Variants in GRIN2B observed in about 807,000 individuals in gnomAD.
The protein encoded by GRIN2B is glutamate ionotropic receptor NMDA type subunit 2B, also known as glutamate receptor ionotropic, NMDA 2B.
Under a neutral mutation model 114.5 loss-of-function variants are expected in GRIN2B, and 5 were observed. That is an observed-to-expected ratio of 0.04 (90% CI 0.02 to 0.09). The LOEUF (loss-of-function observed/expected upper bound fraction) is 0.09, where lower values mean the gene tolerates loss of function less well. GRIN2B is among the 10% of genes least tolerant of loss of function. GRIN2B has a pLI of 1.00. For missense variants in GRIN2B, 1,108 were observed against 1,943.5 expected (o/e 0.57, Z 8.08); for synonymous variants, 787 against 745.1 (o/e 1.06, Z -0.92).
chr12:13,950,063 GAA>G (rs780155713), intron 2 of GRIN2B, among the ~76,000 whole-genome samples: 2 of 152,160 alleles, frequency 1.3e-5, no homozygotes, highest in Non-Finnish European at 2.9e-5. Flanking sequence ...AGAGGAAAAA[GAA>G]AAGTTACCAC....
In GRIN2B at chr12:13,542,426, T is replaced by C. The variant is rs542337897; in HGVS notation, c.*20357A>G. On this transcript the variant is annotated 3_prime_UTR_variant, in exon 14 of 14. Coordinates refer to ENST00000609686, the MANE Select transcript of GRIN2B (RefSeq NM_000834.5). ...CAATCCAGGATAACATTTGTTGACA[T>C]CTATAAAAACATGTTGTGGCCTATC... 3.9e-5 allele frequency: 6 copies of C among 152,294 alleles called. No individual in the cohort carries two copies. Among genetic ancestry groups the C allele is most frequent in the African/African-American group, 1.4e-4 (6 of 41,548 alleles). 9.4% of individuals were successfully genotyped at this position (152,294 alleles called of 1,614,324 possible).
intron 4 of GRIN2B, among the ~76,000 whole-genome samples, chr12:13,710,462 T>C (rs1167286825): frequency 1.3e-5 from 2 of 152,148 alleles, no homozygotes; most frequent in African/African-American, 2.4e-5. Flanking sequence ...GATGACACGA[T>C]TGTATGTCTA....
chr12:13,608,906 G>A, intron 9 of GRIN2B, 74 bp from the exon 10 acceptor site: 2 of 1,046,100 alleles, frequency 1.9e-6, no homozygotes, highest in Non-Finnish European at 1.5e-6. Flanking sequence ...AAATACACAG[G>A]GTGAGTCCCT....
intron 5 of GRIN2B, among the ~76,000 whole-genome samples, chr12:13,621,607 G>GTTT (rs759603737): frequency 0.03 from 830 of 27,596 alleles, 89 homozygotes; most frequent in East Asian, 0.071. Flanking sequence ...AAATTGCCTA[G>GTTT]TTTTTGTTTT....
intron 2 of GRIN2B, among the ~76,000 whole-genome samples, chr12:13,928,101 AG>A (rs1866952203): frequency 1.3e-5 from 2 of 152,024 alleles, no homozygotes; most frequent in Admixed American, 1.3e-4. Context: ...ACTTGAGGTC[AG>A]GAGTTTGAGA....
chr12:13,723,366 T>C (rs983846918), intron 4 of GRIN2B, among the ~76,000 whole-genome samples: 6 of 152,028 alleles, frequency 3.9e-5, no homozygotes, highest in African/African-American at 1.4e-4. Context: ...TCTTGTAGGA[T>C]GAATGACCAC....
Position 13,562,405 on chromosome 12 carries a change from A to T in GRIN2B, c.*378T>A, listed in dbSNP as rs1483939193. On this transcript the variant is annotated 3_prime_UTR_variant, in exon 14 of 14. Coordinates refer to ENST00000609686, the MANE Select transcript of GRIN2B (RefSeq NM_000834.5). ...GGAAAAGCTACCTTTGTGCTCACAT[A>T]GCCTCTTTTTGGTTCTCCCAGCTTC... The T allele has an allele frequency of 5.5e-5, 13 of 238,432 alleles. No homozygotes were observed. Among genetic ancestry groups the T allele is most frequent in the Non-Finnish European group, 1.1e-4 (13 of 121,932 alleles). 14.8% of individuals were successfully genotyped at this position (238,432 alleles called of 1,614,324 possible). A position where few individuals can be genotyped will look rare whatever the true frequency, so the allele number is the denominator to read the frequency against.
In GRIN2B at chr12:13,748,675, A is replaced by T. The variant is rs1863429943; in HGVS notation, c.1010+4642T>A. Among the ~76,000 whole-genome samples the T allele has an allele frequency of 2.0e-5, 3 of 152,206 alleles. No individual in the cohort carries two copies. In the South Asian group the frequency reaches 6.2e-4, roughly 31 times the overall value. ...TCAAATAAAGTTATCAGTTGGAATA[A>T]AACTCTCTTAGCATGTCTTGGGCTA... On this transcript the variant is annotated intron_variant, in intron 4 of 13. Transcript: ENST00000609686.
chr12:13,579,212 G>T (rs1017977541), intron 10 of GRIN2B, among the ~76,000 whole-genome samples: 2 of 152,348 alleles, frequency 1.3e-5, no homozygotes, highest in African/African-American at 4.8e-5. Flanking sequence ...AGCCTAGCAG[G>T]TATGGCCATG....
At chr12:13,688,835 G>A (rs2067830657) in intron 4 of GRIN2B, among the ~76,000 whole-genome samples, 1 of 152,136 alleles carries the variant, frequency 6.6e-6, no homozygotes, top group African/African-American at 2.4e-5. Flanking sequence ...GCCCTCAATA[G>A]GACAGGCTGA....
chr12:13,909,659 G>A (rs1422369399), intron 2 of GRIN2B, among the ~76,000 whole-genome samples: 2 of 152,188 alleles, frequency 1.3e-5, no homozygotes, highest in African/African-American at 4.8e-5. Flanking sequence ...TCCTTAAAAT[G>A]GGACAAAGAC....
At chr12:13,903,927 A>G (rs1451109190) in intron 2 of GRIN2B, among the ~76,000 whole-genome samples, 5 of 152,040 alleles carry the variant, frequency 3.3e-5, no homozygotes, top group Non-Finnish European at 7.4e-5. Context: ...AAAATATTTA[A>G]TCAATTCAAG....
chr12:13,682,135 A>T (rs1950136193), intron 4 of GRIN2B, among the ~76,000 whole-genome samples: 1 of 152,190 alleles, frequency 6.6e-6, no homozygotes. Context: ...CCAGCTAAGA[A>T]ATTCATAATT....
intron 10 of GRIN2B, among the ~76,000 whole-genome samples, chr12:13,575,539 G>A (rs1948763248): frequency 1.3e-5 from 2 of 152,004 alleles, no homozygotes; most frequent in African/African-American, 4.8e-5. Context: ...TGCGCTTCTA[G>A]TCCCAGCTAC....
At chr12:13,852,876 T>TA (rs1239685825) in intron 3 of GRIN2B, among the ~76,000 whole-genome samples, 2 of 151,892 alleles carry the variant, frequency 1.3e-5, no homozygotes, top group African/African-American at 2.4e-5. Context: ...CCAGAATGAA[T>TA]AAAAAAACAG....
intron 2 of GRIN2B, among the ~76,000 whole-genome samples, chr12:13,957,486 A>C (rs1394062762): frequency 6.6e-6 from 1 of 152,188 alleles, no homozygotes; most frequent in Non-Finnish European, 1.5e-5. Context: ...GTAACCTTCC[A>C]CTGGGCCAGA....
chr12:13,939,799 G>A (rs976189493), intron 2 of GRIN2B, among the ~76,000 whole-genome samples: 7 of 151,918 alleles, frequency 4.6e-5, no homozygotes, highest in Non-Finnish European at 1.0e-4. Flanking sequence ...GCAGAACCAT[G>A]AGCCAAATTT....
intron 13 of GRIN2B, among the ~76,000 whole-genome samples, chr12:13,566,587 CAT>C (rs1177798557): frequency 2.0e-5 from 3 of 152,180 alleles, no homozygotes; most frequent in Admixed American, 6.5e-5. Context: ...ATGGTTAAAA[CAT>C]AGAGTGAAAC....
At chr12:13,973,158 T>C (rs566258530) in intron 2 of GRIN2B, among the ~76,000 whole-genome samples, 2 of 152,348 alleles carry the variant, frequency 1.3e-5, no homozygotes, top group East Asian at 3.9e-4. Context: ...TGTAACCATG[T>C]AGTGCTTTTA....
Sources: allele counts gnomAD v4.1 joint callset (sites outside exome capture counted in the v4.1 genomes callset), GRCh38; gene constraint gnomAD v4.1.1; transcripts MANE v1.5; gene names NCBI Gene and HGNC (gene_info 2026-07-23, HGNC 2026-07-21).